Variants in TBC1D1 observed in about 807,000 individuals in gnomAD.
The protein encoded by TBC1D1 is TBC1 (tre-2/USP6, BUB2, cdc16) domain family, member 1.
TBC1D1 carries 89 observed loss-of-function variants against 125.6 expected under a neutral mutation model. The ratio of observed to expected loss-of-function variants is 0.71; its 90% confidence interval spans 0.60 to 0.85. The LOEUF is 0.85. Ranked by LOEUF, TBC1D1 falls within the 40% of genes least tolerant of loss-of-function variation. The probability of loss-of-function intolerance (pLI) is 0.00; values close to 1 mark genes in which losing one functional copy is unlikely to be tolerated. For missense variants in TBC1D1, 1,377 were observed against 1,469.2 expected, an observed-to-expected ratio of 0.94 and a Z score of 1.03; for synonymous variants, 565 against 564.1, an observed-to-expected ratio of 1.00 and a Z score of -0.02.
intron 1 of TBC1D1, among the ~76,000 whole-genome samples, chr4:37,893,441 G>A (rs1242121409): frequency 1.3e-5 from 2 of 152,090 alleles, no homozygotes; most frequent in Non-Finnish European, 2.9e-5. Context: ...TAATGACCAC[G>A]TTAGTTTCAA....
Position 38,012,863 on chromosome 4 carries a change from G to A in TBC1D1, c.418-1646G>A, listed in dbSNP as rs906816699. On this transcript the variant is annotated intron_variant, in intron 2 of 19. Transcript: ENST00000261439. ...GGCTGGAGTGCAGTGGCACAATCTC[G>A]GCTCACTGCAACCTCCGCCTCCCAG... Among the ~76,000 whole-genome samples, 6 of 151,840 alleles carry A rather than the reference G, an allele frequency of 4.0e-5. No individual in the cohort carries two copies. In the South Asian group the frequency reaches 6.2e-4, roughly 16 times the overall value.
intron 2 of TBC1D1, among the ~76,000 whole-genome samples, chr4:37,972,071 G>T (rs1732139268): frequency 6.6e-6 from 1 of 152,134 alleles, no homozygotes; most frequent in African/African-American, 2.4e-5. Flanking sequence ...CCCATTACAG[G>T]TGACTCTGAT....
At chr4:37,972,227 C>T (rs986350457) in intron 2 of TBC1D1, among the ~76,000 whole-genome samples, 8 of 90,470 alleles carry the variant, frequency 8.8e-5, no homozygotes, top group African/African-American at 2.9e-4. Flanking sequence ...TCATGCCTGT[C>T]ATCTCGCACT....
At chr4:38,132,332 G>GGGCAGC (rs1765720694) in intron 18 of TBC1D1, among the ~76,000 whole-genome samples, 2 of 152,212 alleles carry the variant, frequency 1.3e-5, no homozygotes, top group South Asian at 4.1e-4. Context: ...GAAATGCCTT[G>GGGCAGC]GGCAGCAGCA....
chr4:38,073,676 G>T (rs1755083882), intron 12 of TBC1D1, among the ~76,000 whole-genome samples: 2 of 152,050 alleles, frequency 1.3e-5, no homozygotes, highest in African/African-American at 4.8e-5. Context: ...TGTCCCATTT[G>T]TGCCTTGGTT....
intron 17 of TBC1D1, among the ~76,000 whole-genome samples, chr4:38,123,684 C>G (rs1043190985): frequency 2.6e-5 from 4 of 151,934 alleles, no homozygotes; most frequent in Admixed American, 2.6e-4. Context: ...AGTGTGGACC[C>G]TGAGCTGGGT....
chr4:38,049,734 T>C lies in TBC1D1; in HGVS notation c.1746T>C (p.Ala582=). 1.9e-6 allele frequency: 3 copies of C among 1,614,136 alleles called. No individual in the cohort carries two copies. The highest frequency in any genetic ancestry group is 2.5e-6 in the Non-Finnish European group (3 of 1,180,026). The change falls in exon 11 of 20, where the codon GCT becomes GCC. Residue 582 remains alanine, a synonymous_variant. Transcript: ENST00000261439. Reference sequence around the variant, plus strand: ...AGAGTCATCTCCCAGAAGAGCCAGCTCCGCTGTCGCCCCAGCAGGCCTTCA... The same window carrying C: ...AGAGTCATCTCCCAGAAGAGCCAGCCCCGCTGTCGCCCCAGCAGGCCTTCA...
intron 12 of TBC1D1, among the ~76,000 whole-genome samples, chr4:38,086,886 A>G (rs758019110): frequency 9.2e-5 from 14 of 152,294 alleles, no homozygotes; most frequent in South Asian, 2.1e-4. Context: ...AGGCTTGTGC[A>G]TGTAGAAGTT....
At chr4:38,000,022 T>C (rs894388190) in intron 2 of TBC1D1, among the ~76,000 whole-genome samples, 1 of 152,206 alleles carries the variant, frequency 6.6e-6, no homozygotes, top group Non-Finnish European at 1.5e-5. Flanking sequence ...TTCTAACTAA[T>C]GGACACTTGA....
At position 38,049,962 on chromosome 4, in the gene TBC1D1, GCATC is replaced by G. The variant is rs1395374342; in HGVS notation, c.1910+66_1910+69del. ...CATATCTGTGACTAGCCAGGTATGT[GCATC>G]CCAGGTATGTTTATTGAGTGAGAGA... On this transcript the variant is annotated intron_variant, in intron 11 of 19. Transcript: ENST00000261439. The G allele has an allele frequency of 6.6e-6, 10 of 1,510,012 alleles. No homozygotes were observed. In the Admixed American group the frequency reaches 1.9e-4, roughly 29 times the overall value. 93.5% of individuals were successfully genotyped at this position (1,510,012 alleles called of 1,614,324 possible). A position where few individuals can be genotyped will look rare whatever the true frequency, so the allele number is the denominator to read the frequency against.
At chr4:38,010,425 C>T (rs151142417) in intron 2 of TBC1D1, among the ~76,000 whole-genome samples, 47 of 152,312 alleles carry the variant, frequency 3.1e-4, no homozygotes, top group African/African-American at 1.1e-3. Context: ...GCACTCCCTT[C>T]CTTTACTTTC....
intron 2 of TBC1D1, among the ~76,000 whole-genome samples, chr4:38,004,163 C>CCTAG (rs1160290093): frequency 6.6e-6 from 1 of 152,218 alleles, no homozygotes; most frequent in Non-Finnish European, 1.5e-5. Flanking sequence ...GCTTCAGCTG[C>CCTAG]CTAGCAGTTA....
At position 37,922,828 on chromosome 4, in the gene TBC1D1, C is replaced by G. The variant is rs553050857; in HGVS notation, c.417+20316C>G. On this transcript the variant is annotated intron_variant, in intron 2 of 19. Transcript: ENST00000261439. ...ATTGGTTTGGGGGTGGGCTTGTGATCCAAACCAGGCAAATCAGAGTCAATC... is the reference window on the plus strand; with the variant it reads ...ATTGGTTTGGGGGTGGGCTTGTGATGCAAACCAGGCAAATCAGAGTCAATC... 6.6e-5 allele frequency among the ~76,000 whole-genome samples: 10 copies of G among 152,202 alleles called. No individual in the cohort carries two copies. The South Asian group carries it at 2.1e-3, about 32-fold the overall frequency.
chr4:38,045,985 C>T (rs1294010562), intron 10 of TBC1D1, 82 bp downstream of exon 10: 2 of 1,246,802 alleles, frequency 1.6e-6, no homozygotes, highest in Non-Finnish European at 2.3e-6. Context: ...TACCTCCAAT[C>T]ATAAAACGTT....
At chr4:37,928,418 G>T (rs961144863) in intron 2 of TBC1D1, among the ~76,000 whole-genome samples, 1 of 152,020 alleles carries the variant, frequency 6.6e-6, no homozygotes, top group African/African-American at 2.4e-5. Context: ...AGGATATGTT[G>T]ATATCAGAGT....
chr4:38,053,415 A>C (rs949357185), intron 11 of TBC1D1, among the ~76,000 whole-genome samples, 190 bp downstream of exon 13: 1 of 152,152 alleles, frequency 6.6e-6, no homozygotes, highest in African/African-American at 2.4e-5. Flanking sequence ...CCTGTTCTCT[A>C]GTTTTGACGA....
At chr4:37,944,486 G>C (rs1726238409) in intron 2 of TBC1D1, among the ~76,000 whole-genome samples, 2 of 152,220 alleles carry the variant, frequency 1.3e-5, no homozygotes, top group South Asian at 4.1e-4. Flanking sequence ...GCTCCACCCA[G>C]TTCGAGCTTC....
chr4:37,963,978 A>T (rs989554847), intron 2 of TBC1D1, among the ~76,000 whole-genome samples: 1 of 151,910 alleles, frequency 6.6e-6, no homozygotes, highest in Admixed American at 6.6e-5. Context: ...CTTTCATAGC[A>T]CCCTCTCTTT....
chr4:37,957,697 A>G (rs556467088), intron 2 of TBC1D1, among the ~76,000 whole-genome samples: 120 of 152,340 alleles, frequency 7.9e-4, no homozygotes, highest in Non-Finnish European at 1.4e-3. Context: ...TCCAAACTCC[A>G]TTTTTATCCT....
Sources: allele counts gnomAD v4.1 joint callset (sites outside exome capture counted in the v4.1 genomes callset), GRCh38; gene constraint gnomAD v4.1.1; transcripts MANE v1.5; gene names NCBI Gene and HGNC (gene_info 2026-07-23, HGNC 2026-07-21).